Variants in GLYCTK observed in about 807,000 individuals in gnomAD.
The protein encoded by GLYCTK is HBeAg binding protein 4.
Under a neutral mutation model 24.8 loss-of-function variants are expected in GLYCTK, and 22 were observed. That is an observed-to-expected ratio of 0.89 (90% CI 0.63 to 1.27). The LOEUF (loss-of-function observed/expected upper bound fraction) is 1.27. GLYCTK is among the 50% of genes most tolerant of loss of function. The pLI is 0.00. For synonymous variants in GLYCTK, 320 were observed against 297.2 expected, an observed-to-expected ratio of 1.08 and a Z score of -0.79; for missense variants, 684 against 686.7, an observed-to-expected ratio of 1.00 and a Z score of 0.04.
rs145719510 is a variant in GLYCTK at position 52,293,855 on chromosome 3, C to G, written c.*729C>G. 1 of 454,118 alleles carries G rather than the reference C, an allele frequency of 2.2e-6. No homozygotes were observed. The highest frequency in any genetic ancestry group is 4.4e-6 in the Non-Finnish European group (1 of 226,780). 28.1% of individuals were successfully genotyped at this position (454,118 alleles called of 1,614,324 possible). ...GATGTCCTTTCTGTCTTTGGACAGC[C>G]CTTAGCCACATACTGCACTTCTGGT... is the stretch of plus-strand genomic sequence containing the variant. On this transcript the variant is annotated 3_prime_UTR_variant, in exon 5 of 5. Transcript: ENST00000436784.
intron 3 of GLYCTK, chr3:52,291,365 G>A (rs1336024319): frequency 2.5e-5 from 15 of 596,742 alleles, no homozygotes; most frequent in Middle Eastern, 9.0e-4. Flanking sequence ...CATAATGCAG[G>A]GCCTGACACA....
At position 52,292,760 on chromosome 3, in the gene GLYCTK, C is replaced by G; in HGVS notation, c.1206C>G (p.Val402=). ...LETMAWGRGP[V]CLLAGGEPTV... ...CCATGGCATGGGGAAGGGGCCCAGT[C>G]TGCCTGCTGGCTGGTGGCGAGCCCA... The change falls in exon 5 of 5, where the codon GTC becomes GTG. Residue 402 remains valine (V), a synonymous_variant. Transcript: ENST00000436784. 1 of 1,607,808 alleles carries G rather than the reference C, an allele frequency of 6.2e-7. No individual in the cohort carries two copies. Among genetic ancestry groups the G allele is most frequent in the Non-Finnish European group, 8.5e-7 (1 of 1,176,646 alleles).
At chr3:52,289,355 T>A (rs1700388947) in intron 1 of GLYCTK, 1 of 152,290 alleles carries the variant, frequency 6.6e-6, no homozygotes, top group African/African-American at 2.4e-5. Flanking sequence ...GCTTTTACTC[T>A]GCCCAGTGGG....
chr3:52,292,397 A>G lies in GLYCTK; in HGVS notation c.843A>G (p.Pro281=), dbSNP rs34908853. 1,252 of 1,613,812 alleles carry G rather than the reference A, an allele frequency of 7.8e-4. 8 individuals carry two copies. In the African/African-American group the frequency reaches 0.015, roughly 19 times the overall value. The change falls in exon 5 of 5, where the codon CCA becomes CCG. Residue 281 remains proline (P), a synonymous_variant. Coordinates refer to ENST00000436784, the MANE Select transcript of GLYCTK (RefSeq NM_145262.4). ...GCTACGGCCTCCGTGCAGCCCTGCCACGTTCTGTGAAGACTGTGCTGTCTC... is the reference window on the plus strand; with the variant it reads ...GCTACGGCCTCCGTGCAGCCCTGCCGCGTTCTGTGAAGACTGTGCTGTCTC... ...LNRYGLRAAL[P]RSVKTVLSRA...
Position 52,295,236 on chromosome 3 carries a change from A to G in GLYCTK, c.*2110A>G. 3 of 444,430 alleles carry G rather than the reference A, an allele frequency of 6.8e-6. No homozygotes were observed. The highest frequency in any genetic ancestry group is 4.7e-5 in the South Asian group (3 of 63,884). 27.5% of individuals were successfully genotyped at this position (444,430 alleles called of 1,614,324 possible). ...ATAGGATTCATTACTTGCTCCATAA[A>G]TGTCAATTTTGGATCATTGAAGTGC... On this transcript the variant is annotated 3_prime_UTR_variant, in exon 5 of 5. Coordinates refer to ENST00000436784, the MANE Select transcript of GLYCTK (RefSeq NM_145262.4).
rs748144159 is a variant in GLYCTK at position 52,292,986 on chromosome 3, C to T, written c.1432C>T (p.Leu478=). 3 of 1,614,054 alleles carry T rather than the reference C, an allele frequency of 1.9e-6. No homozygotes were observed. In the African/African-American group the frequency reaches 4.0e-5, roughly 22 times the overall value. The change falls in exon 5 of 5, where the codon CTG becomes TTG. Residue 478 remains leucine (L), a synonymous_variant. Coordinates refer to ENST00000436784, the MANE Select transcript of GLYCTK (RefSeq NM_145262.4). The part of the protein sequence containing the change: ...ELASQAAAEG[L]DIATFLAHND... ...TGCCAGCCAGGCTGCAGCTGAGGGC[C>T]TGGACATAGCCACCTTCCTAGCCCA...
At position 52,294,930 on chromosome 3, in the gene GLYCTK, G is replaced by A. The variant is rs1184253839; in HGVS notation, c.*1804G>A. 3 of 453,978 alleles carry A rather than the reference G, an allele frequency of 6.6e-6. No homozygotes were observed. Among genetic ancestry groups the A allele is most frequent in the Non-Finnish European group, 1.3e-5 (3 of 226,808 alleles). The allele number at this position is 453,978 out of a possible 1,614,324, so 28.1% of individuals were successfully genotyped here. ...GAATGCATCTCTGAGTGTACACATA[G>A]ATACTTAGTACAGGGCACATGACTC... On this transcript the variant is annotated 3_prime_UTR_variant, in exon 5 of 5. Coordinates refer to ENST00000436784, the MANE Select transcript of GLYCTK (RefSeq NM_145262.4).
rs780955581 is a variant in GLYCTK, at chr3:52,293,423, G to T, written c.*297G>T. On this transcript the variant is annotated 3_prime_UTR_variant, in exon 5 of 5. Transcript: ENST00000436784. ...GCCTCTCTCTTGAGCCCCTCACCCT[G>T]TTTCTTTCTGTGAAGCGAGAATGTC... 6.3e-6 allele frequency: 4 copies of T among 633,742 alleles called. No homozygotes were observed. Among genetic ancestry groups the T allele is most frequent in the Non-Finnish European group, 8.8e-6 (3 of 340,750 alleles). The allele number at this position is 633,742 out of a possible 1,614,324, so 39.3% of individuals were successfully genotyped here. A position where few individuals can be genotyped will look rare whatever the true frequency, so the allele number is the denominator to read the frequency against.
chr3:52,290,212 G>C, intron 1 of GLYCTK, 92 bp from the exon 2 acceptor site: 1 of 1,005,432 alleles, frequency 9.9e-7, no homozygotes, highest in Non-Finnish European at 1.4e-6. Context: ...GCAGCTGTGG[G>C]GTCCACTGGC....
At chr3:52,292,121 C>A in intron 4 of GLYCTK, 139 bp from the exon 5 acceptor site, 1 of 1,272,110 alleles carries the variant, frequency 7.9e-7, no homozygotes, top group Non-Finnish European at 1.1e-6. Context: ...TGCAAGCCCA[C>A]GTGAGAGGAG....
In GLYCTK at chr3:52,293,850, A is replaced by G. The variant is rs577440219; in HGVS notation, c.*724A>G. ...GGATGGATGTCCTTTCTGTCTTTGG[A>G]CAGCCCTTAGCCACATACTGCACTT... On this transcript the variant is annotated 3_prime_UTR_variant, in exon 5 of 5. Coordinates refer to ENST00000436784, the MANE Select transcript of GLYCTK (RefSeq NM_145262.4). 2.6e-4 allele frequency: 116 copies of G among 454,038 alleles called. No individual in the cohort carries two copies. Among genetic ancestry groups the G allele is most frequent in the African/African-American group, 2.2e-3 (110 of 50,114 alleles). 28.1% of individuals were successfully genotyped at this position (454,038 alleles called of 1,614,324 possible).
At chr3:52,288,517 G>C (rs747281168) in intron 1 of GLYCTK, 1 of 152,276 alleles carries the variant, frequency 6.6e-6, no homozygotes, top group Non-Finnish European at 1.5e-5. Flanking sequence ...GCCACGTCCA[G>C]TTAAATTTGA....
In GLYCTK at chr3:52,293,480, C is replaced by T. The variant is rs761964028; in HGVS notation, c.*354C>T. ...TAAATAGGACCATGCCATGGGTTCT[C>T]AGTGCGCCTTCCCTCAGAGTGAGGC... On this transcript the variant is annotated 3_prime_UTR_variant, in exon 5 of 5. Coordinates refer to ENST00000436784, the MANE Select transcript of GLYCTK (RefSeq NM_145262.4). 4.0e-6 allele frequency: 2 copies of T among 498,034 alleles called. No individual in the cohort carries two copies. Among genetic ancestry groups the T allele is most frequent in the Non-Finnish European group, 7.8e-6 (2 of 255,162 alleles). 30.9% of individuals were successfully genotyped at this position (498,034 alleles called of 1,614,324 possible). A position where few individuals can be genotyped will look rare whatever the true frequency, so the allele number is the denominator to read the frequency against.
rs777759189 is a variant in GLYCTK, at chr3:52,293,154, G to C, written c.*28G>C. 6.2e-7 allele frequency: 1 copy of C among 1,611,898 alleles called. No homozygotes were observed. The highest frequency in any genetic ancestry group is 1.1e-5 in the South Asian group (1 of 91,042). ...GCATAGGTCACATTTTGGGAGTTCAGAGGAGGCCTACAAGGGCAAGGTCAG... is the reference window on the plus strand; with the variant it reads ...GCATAGGTCACATTTTGGGAGTTCACAGGAGGCCTACAAGGGCAAGGTCAG... On this transcript the variant is annotated 3_prime_UTR_variant, in exon 5 of 5. Transcript: ENST00000436784.
intron 2 of GLYCTK, 42 bp downstream of exon 2, chr3:52,290,761 G>A (rs1700440507): frequency 6.2e-7 from 1 of 1,600,698 alleles, no homozygotes. Context: ...TCTATCTGGA[G>A]GGAAACCTGG....
intron 3 of GLYCTK, 176 bp downstream of exon 3, chr3:52,291,287 C>T (rs1700461345): frequency 1.4e-6 from 1 of 726,648 alleles, no homozygotes; most frequent in South Asian, 1.7e-5. Context: ...GTCTGGCCTC[C>T]CCTGAGCTGT....
intron 1 of GLYCTK, 135 bp downstream of exon 1, chr3:52,288,011 G>GC (rs988809646): frequency 5.9e-5 from 19 of 322,800 alleles, no homozygotes; most frequent in African/African-American, 4.0e-4. Context: ...CCTCGCTAAG[G>GC]CCCTACCTTA....
chr3:52,289,484 C>T (rs900250292), intron 1 of GLYCTK, among the ~76,000 whole-genome samples: 1 of 152,166 alleles, frequency 6.6e-6, no homozygotes, highest in Non-Finnish European at 1.5e-5. Flanking sequence ...AACCAGAAGG[C>T]GTGTTCTTGG....
Position 52,293,351 on chromosome 3 carries a change from A to G in GLYCTK, c.*225A>G. 1 of 699,168 alleles carries G rather than the reference A, an allele frequency of 1.4e-6. No homozygotes were observed. The highest frequency in any genetic ancestry group is 2.6e-6 in the Non-Finnish European group (1 of 384,264). 43.3% of individuals were successfully genotyped at this position (699,168 alleles called of 1,614,324 possible). A position where few individuals can be genotyped will look rare whatever the true frequency, so the allele number is the denominator to read the frequency against. ...CTTCCCCCTACCCCTGAGGATGAGG[A>G]CAAGCCCCTCGGCCAGTTCAGCGTT... On this transcript the variant is annotated 3_prime_UTR_variant, in exon 5 of 5. Coordinates refer to ENST00000436784, the MANE Select transcript of GLYCTK (RefSeq NM_145262.4).
Sources: allele counts gnomAD v4.1 joint callset (sites outside exome capture counted in the v4.1 genomes callset), GRCh38; gene constraint gnomAD v4.1.1; transcripts MANE v1.5; gene names NCBI Gene and HGNC (gene_info 2026-07-23, HGNC 2026-07-21).